The following RNF38 variants were observed in gnomAD, a reference collection of about 807,000 sequenced individuals.
The protein encoded by RNF38 is ring finger protein 38.
A neutral mutation model predicts 67.2 loss-of-function variants in RNF38; 15 were observed. The observed-to-expected ratio is 0.22, with a 90% CI of 0.15 to 0.34. The LOEUF (loss-of-function observed/expected upper bound fraction) is 0.34, where lower values mean the gene tolerates loss of function less well. Ranked by LOEUF, RNF38 falls within the 10% of genes least tolerant of loss-of-function variation. RNF38 has a pLI of 1.00. For synonymous variants in RNF38, 220 were observed against 218.8 expected, an observed-to-expected ratio of 1.01 and a Z score of -0.05; for missense variants, 524 against 639.9, an observed-to-expected ratio of 0.82 and a Z score of 1.95.
chr9:36,341,914 T>C (rs772453810), intron 11 of RNF38, among the ~76,000 whole-genome samples: 1 of 137,892 alleles, frequency 7.3e-6, no homozygotes, highest in African/African-American at 2.7e-5. Context: ...CTCTTAGGAT[T>C]TGTGTCCTTT....
At chr9:36,382,967 A>G (rs1281829938) in intron 2 of RNF38, among the ~76,000 whole-genome samples, 1 of 152,246 alleles carries the variant, frequency 6.6e-6, no homozygotes, top group East Asian at 1.9e-4. Context: ...TTCATTTTAA[A>G]TAAATGTGAA....
chr9:36,481,131 C>CA (rs963133975), intron 1 of RNF38, among the ~76,000 whole-genome samples: 2 of 151,432 alleles, frequency 1.3e-5, no homozygotes, highest in African/African-American at 4.9e-5. Context: ...TCTCCTGCTT[C>CA]AGCCTCTCAA....
chr9:36,365,297 T>C (rs1056628163), intron 4 of RNF38, among the ~76,000 whole-genome samples: 8 of 152,176 alleles, frequency 5.3e-5, no homozygotes, highest in East Asian at 1.9e-4. Flanking sequence ...TCAGGCACAG[T>C]GGCTCACACC....
intron 2 of RNF38, among the ~76,000 whole-genome samples, chr9:36,420,531 C>CAAAAAAAAAA (rs1447823341): frequency 3.5e-5 from 1 of 28,974 alleles, no homozygotes; most frequent in Non-Finnish European, 1.1e-4. Context: ...GACTCTGTCT[C>CAAAAAAAAAA]CAAAAAAAAA....
intron 1 of RNF38, among the ~76,000 whole-genome samples, chr9:36,486,862 C>T (rs1159239578): frequency 6.6e-6 from 1 of 152,140 alleles, no homozygotes; most frequent in East Asian, 1.9e-4. Flanking sequence ...GGGTCCAGGG[C>T]CTGACCCCCT....
intron 2 of RNF38, among the ~76,000 whole-genome samples, chr9:36,388,798 G>T (rs921982631): frequency 6.6e-6 from 1 of 152,140 alleles, no homozygotes; most frequent in Non-Finnish European, 1.5e-5. Flanking sequence ...AAAGTAGAAA[G>T]AATTGGGAGA....
intron 1 of RNF38, among the ~76,000 whole-genome samples, chr9:36,456,504 T>C (rs976618749): frequency 2.0e-5 from 3 of 150,706 alleles, no homozygotes; most frequent in Non-Finnish European, 4.5e-5. Flanking sequence ...TCAAACTTTT[T>C]GATGCTATAG....
upstream of RNF38, chr9:36,400,289 A>C: frequency 7.7e-7 from 1 of 1,300,178 alleles, no homozygotes; most frequent in Non-Finnish European, 9.8e-7. Context: ...GACCCTTTCG[A>C]CCGGGTTCCG....
chr9:36,414,040 G>A (rs1475325782), intron 2 of RNF38, among the ~76,000 whole-genome samples: 6 of 152,148 alleles, frequency 3.9e-5, no homozygotes, highest in Non-Finnish European at 8.8e-5. Flanking sequence ...CTGATATAAG[G>A]ATAGCGACTC....
chr9:36,468,356 G>A (rs1839914539), intron 1 of RNF38, among the ~76,000 whole-genome samples: 3 of 152,128 alleles, frequency 2.0e-5, no homozygotes, highest in Admixed American at 2.0e-4. Context: ...TACCCTGAGA[G>A]GTGAAGGGAT....
At chr9:36,417,336 G>A (rs1838502054) in intron 2 of RNF38, among the ~76,000 whole-genome samples, 1 of 152,166 alleles carries the variant, frequency 6.6e-6, no homozygotes, top group South Asian at 2.1e-4. Flanking sequence ...CACGATGTGA[G>A]TCTCCACACA....
chr9:36,351,698 T>C (rs1026454474), intron 8 of RNF38, among the ~76,000 whole-genome samples: 2 of 152,210 alleles, frequency 1.3e-5, no homozygotes, highest in Non-Finnish European at 2.9e-5. Flanking sequence ...CGTAAGCACG[T>C]GGCCTTCTGG....
At chr9:36,409,214 G>A (rs1188296669) in intron 2 of RNF38, among the ~76,000 whole-genome samples, 2 of 150,226 alleles carry the variant, frequency 1.3e-5, no homozygotes, top group Non-Finnish European at 3.0e-5. Flanking sequence ...GAAAGGGAGG[G>A]AGGGAAGGAG....
chr9:36,431,990 C>T (rs1264274965), intron 1 of RNF38, among the ~76,000 whole-genome samples: 2 of 152,162 alleles, frequency 1.3e-5, no homozygotes, highest in Admixed American at 6.5e-5. Context: ...TTTAGGACCT[C>T]TGTGCCAGGA....
upstream of RNF38, among the ~76,000 whole-genome samples, chr9:36,405,371 G>T (rs949112906): frequency 6.6e-6 from 1 of 152,174 alleles, no homozygotes; most frequent in Admixed American, 6.5e-5. Flanking sequence ...TGATTGGTTT[G>T]GGGGTGTTAG....
chr9:36,445,819 G>C (rs1339138180), intron 1 of RNF38, among the ~76,000 whole-genome samples: 1 of 152,180 alleles, frequency 6.6e-6, no homozygotes, highest in African/African-American at 2.4e-5. Context: ...AAACACCACA[G>C]CTTTAACATG....
chr9:36,398,202 G>A (rs900782807), intron 1 of RNF38, among the ~76,000 whole-genome samples: 1 of 152,176 alleles, frequency 6.6e-6, no homozygotes, highest in African/African-American at 2.4e-5. Context: ...TTAATAACAG[G>A]AACTACAAGA....
In RNF38 at chr9:36,339,514, A is replaced by G. The variant is rs1469187906; in HGVS notation, c.*238T>C. The G allele has an allele frequency of 2.0e-6, 1 of 489,074 alleles. No individual in the cohort carries two copies. The highest frequency in any genetic ancestry group is 3.7e-6 in the Non-Finnish European group (1 of 271,556). The allele number at this position is 489,074 out of a possible 1,614,324, so 30.3% of individuals were successfully genotyped here. Reference sequence around the variant, plus strand: ...ACCAGGGAATGTTAGTGCACACACAAAATTAAGCTAAAGAAAAAGTCTTTG... The same window carrying G: ...ACCAGGGAATGTTAGTGCACACACAGAATTAAGCTAAAGAAAAAGTCTTTG... On this transcript the variant is annotated 3_prime_UTR_variant, in exon 12 of 12. Transcript: ENST00000259605.
intron 1 of RNF38, among the ~76,000 whole-genome samples, chr9:36,452,962 A>C (rs988942205): frequency 6.6e-6 from 1 of 152,218 alleles, no homozygotes; most frequent in Non-Finnish European, 1.5e-5. Context: ...AATCCTGTGA[A>C]CATTTGTATA....
Sources: gnomAD v4.1 joint callset for allele counts (sites outside exome capture counted in the v4.1 genomes callset) on GRCh38, gnomAD v4.1.1 for gene constraint, MANE v1.5 for transcripts, NCBI Gene and HGNC (gene_info 2026-07-23, HGNC 2026-07-21) for gene names.